Variants in TENM4 observed in about 807,000 individuals in gnomAD.
TENM4 encodes teneurin-4.
A neutral mutation model predicts 243.3 loss-of-function variants in TENM4; 82 were observed. The ratio of observed to expected loss-of-function variants is 0.34; its 90% CI spans 0.28 to 0.40. The LOEUF (loss-of-function observed/expected upper bound fraction) is 0.40. Among genes scored for constraint, TENM4 ranks in the 10% least tolerant of loss-of-function variants. The pLI, the probability that TENM4 is intolerant of heterozygous loss-of-function variation, is 1.00. For missense variants in TENM4, 3,138 were observed against 3,673.3 expected, an observed-to-expected ratio of 0.85 and a Z score of 3.77; for synonymous variants, 1,412 against 1,456.3, an observed-to-expected ratio of 0.97 and a Z score of 0.69.
intron 4 of TENM4, among the ~76,000 whole-genome samples, chr11:79,099,469 G>A (rs532185994): frequency 1.3e-5 from 2 of 152,154 alleles, no homozygotes; most frequent in East Asian, 3.9e-4. Flanking sequence ...CAAAGCACTT[G>A]CTCCCCTGGG....
chr11:79,434,605 G>A (rs2135620492), intron 1 of TENM4, among the ~76,000 whole-genome samples: 1 of 152,326 alleles, frequency 6.6e-6, no homozygotes, highest in South Asian at 2.1e-4. Context: ...AAAAGAATTT[G>A]TGTATCAGTT....
intron 6 of TENM4, among the ~76,000 whole-genome samples, chr11:79,005,132 C>T (rs371336243): frequency 1.2e-4 from 19 of 152,052 alleles, no homozygotes; most frequent in African/African-American, 4.6e-4. Flanking sequence ...AGCCTACCCA[C>T]CAGAGAAAAA....
At chr11:78,980,354 A>G (rs1857763221) in intron 6 of TENM4, among the ~76,000 whole-genome samples, 1 of 152,240 alleles carries the variant, frequency 6.6e-6, no homozygotes, top group Non-Finnish European at 1.5e-5. Flanking sequence ...GTGGTCAATC[A>G]ACATGGCCAA....
chr11:79,337,101 G>C (rs926984065), intron 1 of TENM4, among the ~76,000 whole-genome samples: 1 of 152,238 alleles, frequency 6.6e-6, no homozygotes, highest in African/African-American at 2.4e-5. Flanking sequence ...CCTTTGAAAA[G>C]TTTAAGTTTT....
At chr11:79,071,911 A>G (rs576960016) in intron 4 of TENM4, among the ~76,000 whole-genome samples, 1 of 152,278 alleles carries the variant, frequency 6.6e-6, no homozygotes, top group South Asian at 2.1e-4. Context: ...TCCAATTAAG[A>G]TGAATAGTTG....
chr11:79,386,572 C>T (rs560101468), intron 1 of TENM4, among the ~76,000 whole-genome samples: 7 of 151,954 alleles, frequency 4.6e-5, no homozygotes, highest in Admixed American at 3.3e-4. Context: ...AAGCAGACAA[C>T]CTGATCTGGA....
At chr11:78,689,941 G>A (rs543162950) in intron 28 of TENM4, among the ~76,000 whole-genome samples, 20 of 152,300 alleles carry the variant, frequency 1.3e-4, no homozygotes, top group Non-Finnish European at 2.5e-4. Context: ...CTGCGGCTGG[G>A]GCCTTTTCAG....
chr11:78,774,650 G>A (rs773982923), intron 17 of TENM4, among the ~76,000 whole-genome samples: 27 of 152,300 alleles, frequency 1.8e-4, no homozygotes, highest in Non-Finnish European at 3.7e-4. Context: ...AGAGGCCTGC[G>A]TTCTGGCCTA....
chr11:78,706,058 A>G (rs1023335193), intron 27 of TENM4, among the ~76,000 whole-genome samples: 1 of 152,232 alleles, frequency 6.6e-6, no homozygotes, highest in Admixed American at 6.5e-5. Context: ...CTCTACATTT[A>G]TAAATGCATT....
chr11:79,144,312 C>T (rs561702365), intron 4 of TENM4, among the ~76,000 whole-genome samples: 41 of 151,844 alleles, frequency 2.7e-4, no homozygotes, highest in African/African-American at 9.2e-4. Flanking sequence ...TGAATGCTGG[C>T]GAGGAGGTGG....
At chr11:78,718,702 T>C (rs1206142571) in intron 25 of TENM4, among the ~76,000 whole-genome samples, 1 of 152,208 alleles carries the variant, frequency 6.6e-6, no homozygotes, top group Admixed American at 6.5e-5. Flanking sequence ...ATTACATAGT[T>C]CAGTATCATC....
intron 3 of TENM4, among the ~76,000 whole-genome samples, chr11:79,214,013 G>A (rs1037256199): frequency 1.1e-5 from 1 of 88,234 alleles, no homozygotes; most frequent in African/African-American, 3.7e-5. Context: ...TTTTTTTGAG[G>A]TGGAGTCTCT....
chr11:78,677,929 C>T (rs1228527089), intron 29 of TENM4, among the ~76,000 whole-genome samples: 4 of 115,246 alleles, frequency 3.5e-5, no homozygotes, highest in South Asian at 3.6e-4. Context: ...CCCCCTCCCC[C>T]GACCCCACCA....
Position 78,672,321 on chromosome 11 carries a change from G to C in TENM4, c.5505C>G (p.Asn1835Lys). The change falls in exon 31 of 34, where the codon AAC becomes AAG. Residue 1835 changes from asparagine to lysine, a missense_variant. By Grantham distance (94) the Asn-to-Lys change is moderately conservative (BLOSUM62 0). Coordinates refer to ENST00000278550, the MANE Select transcript of TENM4 (RefSeq NM_001098816.3). ...CAAAGTCCAGAGATAGGAGATTTCG[G>C]TTGTGAACCTGGAGAAAGGGTTGGA... ...TVFGRRLRVHNRNLLSLDFDR... is the reference protein window; with the variant it reads ...TVFGRRLRVHKRNLLSLDFDR... The C allele has an allele frequency of 6.2e-6, 10 of 1,606,714 alleles. No homozygotes were observed. The highest frequency in any genetic ancestry group is 8.5e-6 in the Non-Finnish European group (10 of 1,173,748).
chr11:78,667,776 G>A (rs1858191681), intron 32 of TENM4, among the ~76,000 whole-genome samples: 1 of 152,224 alleles, frequency 6.6e-6, no homozygotes, highest in African/African-American at 2.4e-5. Flanking sequence ...AAAGAGGGCA[G>A]GAGAATTGAA....
chr11:79,020,103 C>G (rs181636587), intron 6 of TENM4, among the ~76,000 whole-genome samples: 44 of 152,290 alleles, frequency 2.9e-4, no homozygotes, highest in African/African-American at 1.1e-3. Context: ...TTAAATAGAA[C>G]AGATCAACAA....
chr11:78,745,865 CT>C (rs1460442880), intron 19 of TENM4, among the ~76,000 whole-genome samples: 1 of 152,180 alleles, frequency 6.6e-6, no homozygotes, highest in Non-Finnish European at 1.5e-5. Flanking sequence ...GTGCTTCAAT[CT>C]TTATAACTTA....
At chr11:79,084,924 G>C (rs1033643785) in intron 4 of TENM4, among the ~76,000 whole-genome samples, 1 of 152,156 alleles carries the variant, frequency 6.6e-6, no homozygotes, top group Non-Finnish European at 1.5e-5. Flanking sequence ...TTGTATCAAC[G>C]TCAACATCCT....
chr11:78,791,002 A>G (rs894039873), intron 15 of TENM4, among the ~76,000 whole-genome samples: 2 of 152,172 alleles, frequency 1.3e-5, no homozygotes, highest in Admixed American at 1.3e-4. Context: ...TGGCCTGGTG[A>G]CTGGGCACTC....
Sources: allele counts gnomAD v4.1 joint callset (sites outside exome capture counted in the v4.1 genomes callset), GRCh38; gene constraint gnomAD v4.1.1; transcripts MANE v1.5; gene names NCBI Gene and HGNC (gene_info 2026-07-23, HGNC 2026-07-21).